Variants in PIAS1 observed in about 807,000 individuals in gnomAD.
PIAS1 encodes the protein protein inhibitor of activated STAT 1.
PIAS1 carries 6 observed loss-of-function variants against 71.3 expected under a neutral mutation model. That is an observed-to-expected ratio of 0.08 (90% confidence interval 0.05 to 0.17). PIAS1 has a LOEUF of 0.17. Among genes scored for constraint, PIAS1 ranks in the 10% least tolerant of loss-of-function variants. PIAS1 has a pLI of 1.00. For synonymous variants in PIAS1, 303 were observed against 292.9 expected (o/e 1.03, Z -0.35); for missense variants, 555 against 793.6 (o/e 0.70, Z 3.61).
At chr15:68,079,993 C>T (rs956435239) in intron 1 of PIAS1, among the ~76,000 whole-genome samples, 13 of 151,754 alleles carry the variant, frequency 8.6e-5, no homozygotes, top group Admixed American at 7.9e-4. Flanking sequence ...CCACCATGCC[C>T]GGCTAATTTT....
At chr15:68,094,778 GA>G (rs1480504420) in intron 2 of PIAS1, among the ~76,000 whole-genome samples, 7 of 152,256 alleles carry the variant, frequency 4.6e-5, no homozygotes, top group African/African-American at 1.7e-4. Flanking sequence ...GGGAAATCAA[GA>G]GCACTAATTT....
chr15:68,146,381 A>G (rs2092808162), intron 5 of PIAS1, among the ~76,000 whole-genome samples, 185 bp from the exon 6 acceptor site: 1 of 152,218 alleles, frequency 6.6e-6, no homozygotes, highest in Non-Finnish European at 1.5e-5. Flanking sequence ...GTTTACTATA[A>G]GGAGAGTATA....
chr15:68,117,927 A>T (rs1267599906), intron 2 of PIAS1, among the ~76,000 whole-genome samples: 1 of 152,232 alleles, frequency 6.6e-6, no homozygotes, highest in African/African-American at 2.4e-5. Context: ...AGAAACCTCC[A>T]TACTGTTTTC....
intron 2 of PIAS1, among the ~76,000 whole-genome samples, chr15:68,102,608 T>A (rs763525830): frequency 1.3e-5 from 2 of 152,334 alleles, no homozygotes; most frequent in Admixed American, 6.5e-5. Context: ...AGATCTTTTT[T>A]AAAATTTTAT....
At chr15:68,155,907 A>G (rs1022589548) in intron 7 of PIAS1, among the ~76,000 whole-genome samples, 6 of 152,210 alleles carry the variant, frequency 3.9e-5, no homozygotes, top group Non-Finnish European at 8.8e-5. Context: ...CTGCCAATGC[A>G]TGAAAATTGG....
chr15:68,112,880 T>G (rs1441426977), intron 2 of PIAS1, among the ~76,000 whole-genome samples: 1 of 152,098 alleles, frequency 6.6e-6, no homozygotes, highest in Non-Finnish European at 1.5e-5. Context: ...AAATGCATGA[T>G]GCATCCACCC....
At chr15:68,149,358 T>C (rs2092830705) in intron 6 of PIAS1, among the ~76,000 whole-genome samples, 1 of 151,626 alleles carries the variant, frequency 6.6e-6, no homozygotes, top group South Asian at 2.1e-4. Flanking sequence ...ACATTCTTTC[T>C]TCCAGATAAA....
intron 7 of PIAS1, among the ~76,000 whole-genome samples, chr15:68,161,038 G>A (rs2092920478): frequency 6.6e-6 from 1 of 152,120 alleles, no homozygotes; most frequent in Non-Finnish European, 1.5e-5. Flanking sequence ...ATGACCTTAT[G>A]GTCTGCATAG....
At chr15:68,175,615 A>G in intron 9 of PIAS1, 22 bp from the exon 10 acceptor site, 1 of 1,312,700 alleles carries the variant, frequency 7.6e-7, no homozygotes, top group Non-Finnish European at 1.0e-6. Flanking sequence ...ATATATTCTA[A>G]GGATGAATTG....
chr15:68,118,333 A>AT (rs1567049465), intron 2 of PIAS1, among the ~76,000 whole-genome samples: 33 of 137,288 alleles, frequency 2.4e-4, no homozygotes, highest in African/African-American at 7.8e-4. Flanking sequence ...AAAAAAAAAA[A>AT]AAATAATAAT....
chr15:68,189,244 A>T lies in PIAS1; in HGVS notation c.*1409A>T, dbSNP rs12912276. On this transcript the variant is annotated 3_prime_UTR_variant, in exon 14 of 14. Transcript: ENST00000249636. Reference sequence around the variant, plus strand: ...GGAGGGAAGGAAAAGTGGTTCTACTAATGTTCCAAAATCCTCATCAGAGAA... The same window carrying T: ...GGAGGGAAGGAAAAGTGGTTCTACTTATGTTCCAAAATCCTCATCAGAGAA... 76,549 of 151,948 alleles carry T rather than the reference A, an allele frequency of 0.5. 19,906 individuals carry two copies. Among genetic ancestry groups the T allele is most frequent in the Middle Eastern group, 0.57 (168 of 296 alleles). The allele number at this position is 151,948 out of a possible 1,614,324, so 9.4% of individuals were successfully genotyped here.
chr15:68,064,473 C>T (rs1381722932), intron 1 of PIAS1, among the ~76,000 whole-genome samples: 1 of 152,158 alleles, frequency 6.6e-6, no homozygotes, highest in Non-Finnish European at 1.5e-5. Flanking sequence ...CATGATATTA[C>T]AAAATCATGC....
rs112745290 is a variant in PIAS1, at chr15:68,071,559, G to A, written c.25-14747G>A. Among the ~76,000 whole-genome samples, 1,508 of 151,786 alleles carry A rather than the reference G, an allele frequency of 9.9e-3. 14 individuals carry two copies. The highest frequency in any genetic ancestry group is 0.015 in the Non-Finnish European group (1,042 of 67,878). On this transcript the variant is annotated intron_variant, in intron 1 of 13. Transcript: ENST00000249636. ...GAAAAATAATAAACGATAATAGAAA[G>A]CAGTACCAACAAAACAAATAACCAT...
At chr15:68,175,598 A>G in intron 9 of PIAS1, 39 bp from the exon 10 acceptor site, 1 of 1,183,058 alleles carries the variant, frequency 8.5e-7, no homozygotes, top group Non-Finnish European at 1.1e-6. Context: ...CTTTATGTTC[A>G]TTTAAAATAT....
At chr15:68,147,451 TA>T (rs1242864766) in intron 6 of PIAS1, among the ~76,000 whole-genome samples, 1 of 152,194 alleles carries the variant, frequency 6.6e-6, no homozygotes, top group Non-Finnish European at 1.5e-5. Context: ...CTTCATATAG[TA>T]AAACTTAACT....
At chr15:68,132,949 A>T (rs1211827941) in intron 2 of PIAS1, among the ~76,000 whole-genome samples, 2 of 150,870 alleles carry the variant, frequency 1.3e-5, no homozygotes, top group African/African-American at 4.9e-5. Context: ...TTTTTAATTA[A>T]TTTCAGTTTA....
At chr15:68,113,539 A>G (rs974722362) in intron 2 of PIAS1, among the ~76,000 whole-genome samples, 1 of 152,132 alleles carries the variant, frequency 6.6e-6, no homozygotes, top group Non-Finnish European at 1.5e-5. Context: ...GAGAGAATAG[A>G]TGAGCCAGAT....
At chr15:68,121,409 A>G (rs2092612526) in intron 2 of PIAS1, among the ~76,000 whole-genome samples, 1 of 151,414 alleles carries the variant, frequency 6.6e-6, no homozygotes, top group Admixed American at 6.6e-5. Flanking sequence ...GCTGCTTTGA[A>G]GATTTTGTTT....
Position 68,086,534 on chromosome 15 carries a change from A to G in PIAS1, c.253A>G (p.Met85Val), listed in dbSNP as rs767229507. 1.2e-5 allele frequency: 19 copies of G among 1,613,778 alleles called. No homozygotes were observed. The highest frequency in any genetic ancestry group is 1.0e-4 in the Admixed American group (6 of 59,990). Residue 85 changes from methionine (M) to valine (V), a missense_variant, in exon 2 of 14, where the codon ATG (methionine) becomes GTG (valine). Met to Val is a conservative substitution (Grantham distance 21, BLOSUM62 1). This residue lies in a region of PIAS1 where 80 missense variants were observed against 66.9 expected (regional missense o/e 1.20). Coordinates refer to ENST00000249636, the MANE Select transcript of PIAS1 (RefSeq NM_016166.3). The surrounding 1 kb of genome is among the most constrained non-coding windows in gnomAD (Gnocchi z 7.2). ...LSIPNVHSSPMPATLSPSTIP... is the reference protein window; with the variant it reads ...LSIPNVHSSPVPATLSPSTIP... ...CATCCCCAACGTACATTCAAGTCCT[A>G]TGCCAGCAACTTTGTCTCCATCTAC...
Sources: allele counts gnomAD v4.1 joint callset (sites outside exome capture counted in the v4.1 genomes callset), GRCh38; gene constraint gnomAD v4.1.1; regional missense constraint gnomAD v4.1.1; non-coding constraint Gnocchi (gnomAD v3.1); transcripts MANE v1.5; gene names NCBI Gene and HGNC (gene_info 2026-07-23, HGNC 2026-07-21).